USP12: variants seen among roughly 807,000 people sequenced by gnomAD.
USP12 encodes the protein ubiquitin carboxyl-terminal hydrolase 12.
USP12 carries 19 observed loss-of-function variants against 45.5 expected under a neutral mutation model. The ratio of observed to expected loss-of-function variants is 0.42; its 90% CI spans 0.29 to 0.61. USP12 has a LOEUF of 0.61. USP12 is among the 20% of genes least tolerant of loss of function. The pLI is 0.22. For synonymous variants in USP12, 149 were observed against 148.8 expected (o/e 1.00, Z -0.01); for missense variants, 242 against 447.7 (o/e 0.54, Z 4.15).
intron 3 of USP12, among the ~76,000 whole-genome samples, chr13:27,099,596 G>A (rs1289534139): frequency 2.6e-5 from 4 of 151,996 alleles, no homozygotes; most frequent in African/African-American, 9.7e-5. Flanking sequence ...GTTTCACACT[G>A]CAAATAGACA....
At chr13:27,081,753 G>C (rs985496781) in intron 6 of USP12, among the ~76,000 whole-genome samples, 8 of 152,120 alleles carry the variant, frequency 5.3e-5, no homozygotes, top group African/African-American at 1.9e-4. Flanking sequence ...TTGATTCATG[G>C]GCTGCAGAAT....
intron 1 of USP12, among the ~76,000 whole-genome samples, chr13:27,146,676 A>T (rs955514420): frequency 2.0e-5 from 3 of 152,146 alleles, no homozygotes; most frequent in African/African-American, 7.2e-5. Flanking sequence ...ATGATTCCCT[A>T]ATTTCCTACC....
In USP12 at chr13:27,105,893, G is replaced by T; in HGVS notation, c.181C>A (p.Arg61Ser). 6.2e-7 allele frequency: 1 copy of T among 1,613,476 alleles called. No individual in the cohort carries two copies. The highest frequency in any genetic ancestry group is 8.5e-7 in the Non-Finnish European group (1 of 1,179,720). ...GCAAGAACTTTTTCCCGAAATGGAC[G>T]ACAAAAATAAAGTGCTTGAAGAACT... The part of the protein sequence containing the change: ...NSVLQALYFC[R>S]PFREKVLAYK... Residue 61 changes from arginine to serine, a missense_variant, in exon 3 of 9, where the codon CGT (arginine) becomes AGT (serine). By Grantham distance (110) the Arg-to-Ser change is moderately radical. Coordinates refer to ENST00000282344, the MANE Select transcript of USP12 (RefSeq NM_182488.4).
At chr13:27,077,565 G>A (rs1046929088) in intron 6 of USP12, 3 of 152,164 alleles carry the variant, frequency 2.0e-5, no homozygotes, top group Non-Finnish European at 4.4e-5. Flanking sequence ...TCCCAGAGGA[G>A]AAGTGCTGGC....
Position 27,144,759 on chromosome 13 carries a change from T to C in USP12, c.48+26833A>G, listed in dbSNP as rs867352799. Among the ~76,000 whole-genome samples, 156 of 141,906 alleles carry C rather than the reference T, an allele frequency of 1.1e-3. 1 individual carries two copies. Among genetic ancestry groups the C allele is most frequent in the Middle Eastern group, 3.5e-3 (1 of 286 alleles). 93.1% of individuals were successfully genotyped at this position (141,906 alleles called of 152,430 possible). ...TTTGTTTTTTGTTGTTTTTTTTTTT[T>C]CCCCCAGAAATCGGGAGGAGCTGGA... is the stretch of plus-strand genomic sequence containing the variant. On this transcript the variant is annotated intron_variant, in intron 1 of 8. Transcript: ENST00000282344.
At chr13:27,128,399 C>G (rs113779599) in intron 1 of USP12, among the ~76,000 whole-genome samples, 3 of 152,074 alleles carry the variant, frequency 2.0e-5, no homozygotes, top group Admixed American at 2.0e-4. Context: ...CTTGAGTGCA[C>G]GATGAAACTT....
At chr13:27,095,943 A>C (rs990787202) in intron 3 of USP12, 113 bp from the exon 4 acceptor site, 4 of 724,218 alleles carry the variant, frequency 5.5e-6, no homozygotes, top group Non-Finnish European at 6.2e-6. Context: ...TAAATGCACA[A>C]TGTTTTTGTA....
At chr13:27,141,597 G>A (rs1877060816) in intron 1 of USP12, among the ~76,000 whole-genome samples, 1 of 152,042 alleles carries the variant, frequency 6.6e-6, no homozygotes, top group African/African-American at 2.4e-5. Context: ...GGTCCCATCA[G>A]GAACAATTTG....
chr13:27,081,378 G>A (rs1023387051), intron 6 of USP12, among the ~76,000 whole-genome samples: 5 of 152,256 alleles, frequency 3.3e-5, no homozygotes, highest in South Asian at 2.1e-4. Context: ...TCCATAAGAA[G>A]CAACTTCTCA....
At position 27,090,540 on chromosome 13, in the gene USP12, G is replaced by GTCATTAAAAAAAAAATT. The variant is rs1293862876; in HGVS notation, c.574-399_574-383dup. Among the ~76,000 whole-genome samples the GTCATTAAAAAAAAAATT allele has an allele frequency of 4.9e-4, 74 of 151,932 alleles. 1 individual carries two copies. Among genetic ancestry groups the GTCATTAAAAAAAAAATT allele is most frequent in the Admixed American group, 9.2e-4 (14 of 15,268 alleles). On this transcript the variant is annotated intron_variant, in intron 4 of 8. Coordinates refer to ENST00000282344, the MANE Select transcript of USP12 (RefSeq NM_182488.4). ...TCACACAGGACAGGATATCTGTATT[G>GTCATTAAAAAAAAAATT]TCATTAAAAAAAAAATTTAGCCCAA...
intron 1 of USP12, among the ~76,000 whole-genome samples, chr13:27,165,445 T>A (rs1878307870): frequency 6.6e-6 from 1 of 152,140 alleles, no homozygotes; most frequent in Non-Finnish European, 1.5e-5. Context: ...GCTAACAGAT[T>A]AATTAGTAGT....
chr13:27,152,771 T>A (rs555550221), intron 1 of USP12, among the ~76,000 whole-genome samples: 123 of 151,570 alleles, frequency 8.1e-4, no homozygotes, highest in African/African-American at 2.9e-3. Flanking sequence ...TGAAACCCCG[T>A]CTCTACTAAA....
In USP12 at chr13:27,170,663, A is replaced by T. The variant is rs575835113; in HGVS notation, c.48+929T>A. Among the ~76,000 whole-genome samples, 317 of 152,356 alleles carry T rather than the reference A, an allele frequency of 2.1e-3. 1 individual carries two copies. The highest frequency in any genetic ancestry group is 7.4e-3 in the African/African-American group (309 of 41,586). On this transcript the variant is annotated intron_variant, in intron 1 of 8. Transcript: ENST00000282344. ...TTCGGGACTTCCAGCGGGCATTAGC[A>T]CTTTTCCCTTACAGTCTATTTAAAC...
chr13:27,072,026 A>G (rs1873265202), intron 7 of USP12, among the ~76,000 whole-genome samples: 1 of 152,172 alleles, frequency 6.6e-6, no homozygotes, highest in Non-Finnish European at 1.5e-5. Flanking sequence ...CACCTACTAT[A>G]ATATCTTATG....
At chr13:27,160,402 G>T (rs1388814478) in intron 1 of USP12, among the ~76,000 whole-genome samples, 1 of 151,182 alleles carries the variant, frequency 6.6e-6, no homozygotes, top group Admixed American at 6.6e-5. Flanking sequence ...AGGGTCCCCC[G>T]TGGAGGAGAT....
intron 1 of USP12, chr13:27,117,629 TTAA>T (rs1875805088): frequency 1.2e-5 from 4 of 339,388 alleles, no homozygotes. Context: ...GTGTGTGTGT[TTAA>T]TAGCACACGG....
At chr13:27,071,013 A>C in intron 8 of USP12, 58 bp downstream of exon 8, 1 of 1,411,182 alleles carries the variant, frequency 7.1e-7, no homozygotes, top group Non-Finnish European at 9.8e-7. Context: ...ATGAGAAAAA[A>C]GTGAAAAGCA....
chr13:27,126,156 C>CA (rs1168261874), intron 1 of USP12, among the ~76,000 whole-genome samples: 2 of 152,374 alleles, frequency 1.3e-5, no homozygotes, highest in East Asian at 3.9e-4. Flanking sequence ...TGATAACAGA[C>CA]AGACTGCCTC....
intron 6 of USP12, among the ~76,000 whole-genome samples, chr13:27,086,248 T>TGC (rs1488194860): frequency 1.1e-4 from 12 of 109,806 alleles, no homozygotes; most frequent in African/African-American, 3.9e-4. Context: ...TTTATATATA[T>TGC]GCACATATAC....
Sources: gnomAD v4.1 joint callset for allele counts (sites outside exome capture counted in the v4.1 genomes callset) on GRCh38, gnomAD v4.1.1 for gene constraint, MANE v1.5 for transcripts, NCBI Gene and HGNC (gene_info 2026-07-23, HGNC 2026-07-21) for gene names.